The following PRKCE variants were observed in gnomAD, a reference collection of about 807,000 sequenced individuals.
The protein encoded by PRKCE is protein kinase C epsilon type.
In PRKCE, 16 loss-of-function variants were observed where a neutral mutation model predicts 85.4. The observed-to-expected ratio is 0.19, with a 90% CI of 0.13 to 0.28. The LOEUF is 0.28. Ranked by LOEUF, PRKCE falls within the 10% of genes least tolerant of loss-of-function variation. The pLI, the probability that PRKCE is intolerant of heterozygous loss-of-function variation, is 1.00. For synonymous variants in PRKCE, 388 were observed against 371.5 expected (o/e 1.04, Z -0.51); for missense variants, 573 against 975.2 (o/e 0.59, Z 5.49).
intron 2 of PRKCE, among the ~76,000 whole-genome samples, chr2:45,854,865 C>G (rs932839805): frequency 1.3e-5 from 2 of 152,138 alleles, no homozygotes; most frequent in Non-Finnish European, 2.9e-5. Context: ...GCTCCTCTTG[C>G]AGCTTTGGGA....
At chr2:46,158,405 C>G (rs1008902062) in intron 13 of PRKCE, among the ~76,000 whole-genome samples, 1 of 152,120 alleles carries the variant, frequency 6.6e-6, no homozygotes, top group Admixed American at 6.5e-5. Context: ...TGGGGGCCAT[C>G]CAAGGTGTTA....
intron 11 of PRKCE, among the ~76,000 whole-genome samples, chr2:46,112,758 G>C (rs1672394486): frequency 6.6e-6 from 1 of 152,100 alleles, no homozygotes; most frequent in African/African-American, 2.4e-5. Context: ...GACCTCAAGT[G>C]ATCCACCCAC....
intron 1 of PRKCE, among the ~76,000 whole-genome samples, chr2:45,770,013 C>T (rs1231078350): frequency 2.0e-5 from 3 of 152,248 alleles, no homozygotes; most frequent in South Asian, 4.1e-4. Flanking sequence ...CCCAGGTGCA[C>T]ACTCACACAG....
At chr2:45,660,486 T>C (rs1488908742) in intron 1 of PRKCE, among the ~76,000 whole-genome samples, 1 of 152,178 alleles carries the variant, frequency 6.6e-6, no homozygotes, top group Non-Finnish European at 1.5e-5. Context: ...GGCCCACTTG[T>C]CCTCCATTTG....
chr2:45,804,569 C>A (rs959173959), intron 1 of PRKCE, among the ~76,000 whole-genome samples: 1 of 152,204 alleles, frequency 6.6e-6, no homozygotes, highest in Non-Finnish European at 1.5e-5. Context: ...CTGGGAAAAT[C>A]TCTACAGGCT....
intron 2 of PRKCE, among the ~76,000 whole-genome samples, chr2:45,855,266 C>G (rs1692582966): frequency 6.6e-6 from 1 of 151,982 alleles, no homozygotes; most frequent in Non-Finnish European, 1.5e-5. Flanking sequence ...CCAAGGCTTA[C>G]ACTGTAAGAA....
intron 1 of PRKCE, among the ~76,000 whole-genome samples, chr2:45,819,058 C>A (rs752481249): frequency 6.6e-6 from 1 of 152,160 alleles, no homozygotes; most frequent in Non-Finnish European, 1.5e-5. Context: ...GAGGCATTTG[C>A]TCTTCTCCCT....
chr2:46,087,256 G>A (rs1395634662), intron 11 of PRKCE, among the ~76,000 whole-genome samples: 1 of 151,962 alleles, frequency 6.6e-6, no homozygotes, highest in Admixed American at 6.6e-5. Flanking sequence ...AGTGGAAGAA[G>A]CCTAAATGGA....
Position 45,900,693 on chromosome 2 carries a change from G to A in PRKCE, c.412+57630G>A, listed in dbSNP as rs1010854548. The stretch of plus-strand genomic sequence containing the variant: ...GAAAATGTTCTGGAGATGGATGGTG[G>A]TAATGGTTTCACAACAGTGTGAATG... On this transcript the variant is annotated intron_variant, in intron 2 of 14. Transcript: ENST00000306156. 2.6e-5 allele frequency among the ~76,000 whole-genome samples: 4 copies of A among 152,186 alleles called. No individual in the cohort carries two copies. In the South Asian group the frequency reaches 8.3e-4, roughly 32 times the overall value.
chr2:45,745,463 C>T (rs1003538967), intron 1 of PRKCE, among the ~76,000 whole-genome samples: 2 of 152,174 alleles, frequency 1.3e-5, no homozygotes, highest in Admixed American at 6.5e-5. Context: ...CCACATCACT[C>T]GCTCTGCCCT....
chr2:45,717,856 C>G (rs893807290), intron 1 of PRKCE, among the ~76,000 whole-genome samples: 1 of 152,170 alleles, frequency 6.6e-6, no homozygotes, highest in African/African-American at 2.4e-5. Context: ...AGAGGATGCT[C>G]CAGTATCACG....
At chr2:45,760,351 A>G (rs1435465628) in intron 1 of PRKCE, among the ~76,000 whole-genome samples, 1 of 152,208 alleles carries the variant, frequency 6.6e-6, no homozygotes, top group Non-Finnish European at 1.5e-5. Context: ...GGCAGCCAGG[A>G]CATAATGAAA....
chr2:46,080,908 C>T (rs993900594), intron 10 of PRKCE, among the ~76,000 whole-genome samples: 7 of 152,066 alleles, frequency 4.6e-5, no homozygotes, highest in African/African-American at 1.7e-4. Flanking sequence ...CAGACACAGG[C>T]TCACGGCAGC....
chr2:46,039,813 T>C (rs1708114423), intron 10 of PRKCE, among the ~76,000 whole-genome samples: 1 of 152,220 alleles, frequency 6.6e-6, no homozygotes, highest in African/African-American at 2.4e-5. Context: ...ATTTGCTCAG[T>C]GGCTCATATT....
At chr2:45,916,308 C>G (rs983575361) in intron 2 of PRKCE, among the ~76,000 whole-genome samples, 1 of 149,460 alleles carries the variant, frequency 6.7e-6, no homozygotes, top group African/African-American at 2.5e-5. Context: ...GGTGTGAACA[C>G]GGCTCACTGC....
intron 10 of PRKCE, among the ~76,000 whole-genome samples, chr2:46,058,831 G>A (rs977192091): frequency 6.6e-6 from 1 of 152,158 alleles, no homozygotes; most frequent in African/African-American, 2.4e-5. Flanking sequence ...AAGGAACTGG[G>A]ACCACAGGCG....
chr2:45,831,647 C>T (rs993852564), intron 1 of PRKCE, among the ~76,000 whole-genome samples: 5 of 152,126 alleles, frequency 3.3e-5, no homozygotes, highest in African/African-American at 9.7e-5. Flanking sequence ...TCTATCATAG[C>T]AGCAAGGTAA....
At chr2:45,994,523 A>G (rs1315696008) in intron 6 of PRKCE, among the ~76,000 whole-genome samples, 2 of 152,168 alleles carry the variant, frequency 1.3e-5, no homozygotes, top group Admixed American at 6.5e-5. Context: ...AGAATGTCCT[A>G]TAGTTGGAAT....
intron 1 of PRKCE, among the ~76,000 whole-genome samples, chr2:45,656,354 A>G (rs894886517): frequency 2.0e-5 from 3 of 152,232 alleles, no homozygotes; most frequent in Admixed American, 6.5e-5. Flanking sequence ...ACATTGGAGT[A>G]GGAAAAAGTT....
Sources: allele counts gnomAD v4.1 joint callset (sites outside exome capture counted in the v4.1 genomes callset), GRCh38; gene constraint gnomAD v4.1.1; transcripts MANE v1.5; gene names NCBI Gene and HGNC (gene_info 2026-07-23, HGNC 2026-07-21).